TREM1: variants seen among roughly 807,000 people sequenced by gnomAD.
TREM1 encodes the protein triggering receptor expressed on monocytes 1.
In TREM1, 16 loss-of-function variants were observed where a neutral mutation model predicts 22.4. The observed-to-expected ratio is 0.71, with a 90% CI of 0.48 to 1.08. The LOEUF (loss-of-function observed/expected upper bound fraction) is 1.08. TREM1 is among the 50% of genes least tolerant of loss of function. TREM1 has a pLI of 0.00. For missense variants in TREM1, 283 were observed against 282.9 expected (o/e 1.00, Z 0.00); for synonymous variants, 110 against 111.6 (o/e 0.99, Z 0.09).
chr6:41,285,551 G>A (rs909941080), intron 1 of TREM1, among the ~76,000 whole-genome samples: 1 of 152,130 alleles, frequency 6.6e-6, no homozygotes, highest in South Asian at 2.1e-4. Flanking sequence ...AGAAGTCCTG[G>A]CCCAAGTGTG....
At chr6:41,268,887 G>A (rs1041377760), downstream of TREM1, among the ~76,000 whole-genome samples, 12 of 152,122 alleles carry the variant, frequency 7.9e-5, no homozygotes, top group Non-Finnish European at 5.9e-5. Flanking sequence ...GTCAGTGACC[G>A]GGTATCCTTG....
downstream of TREM1, among the ~76,000 whole-genome samples, chr6:41,270,762 G>A (rs1412554881): frequency 6.6e-6 from 1 of 152,112 alleles, no homozygotes; most frequent in Non-Finnish European, 1.5e-5. Context: ...ACAGGCTGGA[G>A]TGCAGTGGTG....
chr6:41,271,347 C>T (rs999208933), downstream of TREM1, among the ~76,000 whole-genome samples: 5 of 152,144 alleles, frequency 3.3e-5, no homozygotes, highest in African/African-American at 1.2e-4. Context: ...GAAACTGAGC[C>T]TAATAGAGGT....
downstream of TREM1, among the ~76,000 whole-genome samples, chr6:41,267,554 G>T (rs1767363425): frequency 6.6e-6 from 1 of 152,060 alleles, no homozygotes; most frequent in Non-Finnish European, 1.5e-5. Flanking sequence ...ATGAGGGAAG[G>T]GTAGGCAGTG....
chr6:41,268,431 CTTAAA>C (rs796200549), intron 3 of TREM1, among the ~76,000 whole-genome samples: 28 of 152,300 alleles, frequency 1.8e-4, no homozygotes, highest in African/African-American at 6.7e-4. Flanking sequence ...TTTTTTAAGA[CTTAAA>C]TTAAAGAACT....
chr6:41,276,585 T>C (rs1208415713), intron 3 of TREM1, among the ~76,000 whole-genome samples: 1 of 152,180 alleles, frequency 6.6e-6, no homozygotes, highest in Non-Finnish European at 1.5e-5. Context: ...ATCTCACCTC[T>C]TTAGCTCGGT....
downstream of TREM1, among the ~76,000 whole-genome samples, chr6:41,272,691 C>T (rs1397991504): frequency 6.6e-6 from 1 of 152,150 alleles, no homozygotes; most frequent in African/African-American, 2.4e-5. Context: ...CAGCATGTCT[C>T]GGTGACTCAG....
Sources: allele counts gnomAD v4.1 joint callset (sites outside exome capture counted in the v4.1 genomes callset), GRCh38; gene constraint gnomAD v4.1.1; transcripts MANE v1.5; gene names NCBI Gene and HGNC (gene_info 2026-07-23, HGNC 2026-07-21).